SPOCK3: variants seen among roughly 807,000 people sequenced by gnomAD.
SPOCK3 encodes the protein testican-3.
SPOCK3 carries 30 observed loss-of-function variants against 56.6 expected under a neutral mutation model. The observed-to-expected ratio is 0.53, with a 90% CI of 0.40 to 0.72. SPOCK3 has a LOEUF of 0.72. Among genes scored for constraint, SPOCK3 ranks in the 30% least tolerant of loss-of-function variants. The pLI is 0.00. For missense variants in SPOCK3, 527 were observed against 530.0 expected (o/e 0.99, Z 0.06); for synonymous variants, 196 against 183.3 (o/e 1.07, Z -0.56).
chr4:167,062,590 G>C (rs931838693), intron 2 of SPOCK3, 53 bp from the exon 3 acceptor site: 16 of 1,382,626 alleles, frequency 1.2e-5, no homozygotes, highest in Non-Finnish European at 1.6e-5. Flanking sequence ...AAAACGCAAG[G>C]GTTCATATAA....
At chr4:167,142,800 G>A (rs1763643088) in intron 2 of SPOCK3, among the ~76,000 whole-genome samples, 1 of 151,974 alleles carries the variant, frequency 6.6e-6, no homozygotes, top group Non-Finnish European at 1.5e-5. Flanking sequence ...GAACAATAGG[G>A]ACAAAGGTAT....
At chr4:166,900,186 T>C (rs1203926756) in intron 5 of SPOCK3, among the ~76,000 whole-genome samples, 1 of 152,184 alleles carries the variant, frequency 6.6e-6, no homozygotes, top group Non-Finnish European at 1.5e-5. Context: ...CGTTTAAAAC[T>C]AATCTGTGTC....
chr4:166,761,975 T>G (rs1737300214), intron 7 of SPOCK3, among the ~76,000 whole-genome samples: 1 of 152,090 alleles, frequency 6.6e-6, no homozygotes, highest in Admixed American at 6.6e-5. Flanking sequence ...GGGAATTTGT[T>G]AATTTTCAGA....
intron 2 of SPOCK3, among the ~76,000 whole-genome samples, chr4:167,078,654 T>C (rs1415657205): frequency 6.6e-6 from 1 of 151,700 alleles, no homozygotes. Context: ...TAATAACCCA[T>C]AATCACCCTA....
At chr4:166,916,084 G>T (rs1415492726) in intron 4 of SPOCK3, among the ~76,000 whole-genome samples, 2 of 151,822 alleles carry the variant, frequency 1.3e-5, no homozygotes, top group African/African-American at 4.8e-5. Flanking sequence ...TCCTATACAG[G>T]GTCACAACCC....
At chr4:167,200,914 G>C (rs1320220219) in intron 2 of SPOCK3, among the ~76,000 whole-genome samples, 1 of 152,024 alleles carries the variant, frequency 6.6e-6, no homozygotes, top group East Asian at 1.9e-4. Context: ...CATCTCTTCA[G>C]CAGAAGCCAC....
intron 4 of SPOCK3, among the ~76,000 whole-genome samples, chr4:166,927,235 T>C (rs1380853742): frequency 1.3e-5 from 2 of 152,212 alleles, no homozygotes; most frequent in Non-Finnish European, 2.9e-5. Context: ...CTCTTGAATT[T>C]TGGCTCCCAT....
chr4:166,947,711 T>C (rs1201181244), intron 4 of SPOCK3, among the ~76,000 whole-genome samples: 3 of 152,212 alleles, frequency 2.0e-5, no homozygotes, highest in African/African-American at 4.8e-5. Context: ...ACTTCTTTTA[T>C]TTCTTTTACA....
intron 4 of SPOCK3, among the ~76,000 whole-genome samples, chr4:166,951,774 C>T (rs866806300): frequency 3.8e-4 from 57 of 150,842 alleles, no homozygotes; most frequent in Middle Eastern, 3.4e-3. Flanking sequence ...AAGGCGGGTT[C>T]AATATACACA....
chr4:166,952,570 T>C (rs1319391134), intron 4 of SPOCK3, among the ~76,000 whole-genome samples: 1 of 152,022 alleles, frequency 6.6e-6, no homozygotes, highest in South Asian at 2.1e-4. Flanking sequence ...CTTCACAGAA[T>C]TGGAAAAAAC....
intron 4 of SPOCK3, among the ~76,000 whole-genome samples, chr4:166,981,689 A>C (rs965983687): frequency 1.3e-5 from 2 of 152,182 alleles, no homozygotes; most frequent in African/African-American, 4.8e-5. Flanking sequence ...CCCGGGCTTC[A>C]GGTCATTCCT....
chr4:166,884,762 C>T (rs953676886), intron 6 of SPOCK3, among the ~76,000 whole-genome samples: 6 of 151,916 alleles, frequency 3.9e-5, no homozygotes, highest in Admixed American at 1.3e-4. Context: ...CTAAGAACCA[C>T]ACAGCAGTGA....
chr4:166,999,236 G>A (rs569154522), intron 4 of SPOCK3, among the ~76,000 whole-genome samples: 33 of 152,068 alleles, frequency 2.2e-4, no homozygotes, highest in African/African-American at 6.7e-4. Flanking sequence ...TTTCAAACCC[G>A]CATACCTTTG....
intron 7 of SPOCK3, among the ~76,000 whole-genome samples, chr4:166,783,272 T>C (rs1740371350): frequency 6.6e-6 from 1 of 152,104 alleles, no homozygotes; most frequent in African/African-American, 2.4e-5. Flanking sequence ...GGCAGGAGAA[T>C]TGCTTGAACC....
chr4:167,053,514 G>A (rs1205358507), intron 3 of SPOCK3, among the ~76,000 whole-genome samples: 2 of 151,848 alleles, frequency 1.3e-5, no homozygotes, highest in Admixed American at 6.6e-5. Context: ...GTGAAACACT[G>A]TCTCTACTAA....
At chr4:167,173,884 G>T (rs1426213973) in intron 2 of SPOCK3, among the ~76,000 whole-genome samples, 1 of 152,170 alleles carries the variant, frequency 6.6e-6, no homozygotes, top group African/African-American at 2.4e-5. Flanking sequence ...GGCCCTATAG[G>T]CCTGAGGGTT....
chr4:166,958,233 C>A (rs1056422594), intron 4 of SPOCK3, among the ~76,000 whole-genome samples: 2 of 152,118 alleles, frequency 1.3e-5, no homozygotes, highest in African/African-American at 4.8e-5. Context: ...TCCAGCTTTG[C>A]TCTCTTGATC....
intron 4 of SPOCK3, among the ~76,000 whole-genome samples, chr4:166,930,315 T>C (rs1349656103): frequency 6.6e-6 from 1 of 152,150 alleles, no homozygotes; most frequent in African/African-American, 2.4e-5. Flanking sequence ...TGTTTACATA[T>C]ATAAAAGCTG....
chr4:167,219,485 A>G (rs1735689854), intron 2 of SPOCK3, among the ~76,000 whole-genome samples: 1 of 152,224 alleles, frequency 6.6e-6, no homozygotes, highest in Non-Finnish European at 1.5e-5. Context: ...ATGTTTTACC[A>G]GTATTCAGGC....
Sources: gnomAD v4.1 joint callset for allele counts (sites outside exome capture counted in the v4.1 genomes callset) on GRCh38, gnomAD v4.1.1 for gene constraint, MANE v1.5 for transcripts, NCBI Gene and HGNC (gene_info 2026-07-23, HGNC 2026-07-21) for gene names.